ABTB3: variants seen among roughly 807,000 people sequenced by gnomAD.
ABTB3 encodes ankyrin repeat- and BTB/POZ domain-containing protein 3.
the ABTB3 span, among the ~76,000 whole-genome samples, chr12:107,534,172 T>A: frequency 4.6e-5 from 7 of 151,564 alleles, no homozygotes. Flanking sequence ...GAATAGCCAC[T>A]TCGTTCCAGC....
chr12:107,644,932 C>T, the ABTB3 span, among the ~76,000 whole-genome samples: 1 of 150,056 alleles, frequency 6.7e-6, no homozygotes, highest in Non-Finnish European at 1.5e-5. Context: ...TTTATGGCTG[C>T]ATAGTATTCC....
chr12:107,499,676 A>T, the ABTB3 span, among the ~76,000 whole-genome samples: 1 of 145,120 alleles, frequency 6.9e-6, no homozygotes, highest in Non-Finnish European at 1.5e-5. Flanking sequence ...GGACTGCCAG[A>T]CACTTTTTCT....
the ABTB3 span, among the ~76,000 whole-genome samples, chr12:107,528,975 G>A: frequency 1.4e-4 from 21 of 151,448 alleles, no homozygotes; most frequent in South Asian, 8.4e-4. Flanking sequence ...TGACAGAGAT[G>A]ATTTTGGTGA....
chr12:107,445,349 A>G, the ABTB3 span, among the ~76,000 whole-genome samples: 7 of 152,204 alleles, frequency 4.6e-5, no homozygotes, highest in Non-Finnish European at 7.3e-5. Flanking sequence ...CACACCTACC[A>G]TATGCCAGGC....
At chr12:107,560,876 T>C in the ABTB3 span, among the ~76,000 whole-genome samples, 99 of 152,270 alleles carry the variant, frequency 6.5e-4, no homozygotes, top group East Asian at 0.019. Context: ...TTGGTGGCTG[T>C]GTTTGTTTGT....
the ABTB3 span, among the ~76,000 whole-genome samples, chr12:107,496,542 G>T: frequency 6.6e-6 from 1 of 152,188 alleles, no homozygotes; most frequent in Non-Finnish European, 1.5e-5. Context: ...AAAACATTGA[G>T]AGCTTGTCTG....
the ABTB3 span, among the ~76,000 whole-genome samples, chr12:107,428,389 C>T: frequency 2.6e-5 from 4 of 152,126 alleles, no homozygotes; most frequent in South Asian, 2.1e-4. Context: ...TGGATGTCCT[C>T]GGGCCCCTGG....
At chr12:107,468,002 T>G in the ABTB3 span, among the ~76,000 whole-genome samples, 1 of 152,158 alleles carries the variant, frequency 6.6e-6, no homozygotes, top group South Asian at 2.1e-4. Context: ...AGGAGGCACC[T>G]GCAGAGACCC....
the ABTB3 span, among the ~76,000 whole-genome samples, chr12:107,558,041 G>A: frequency 1.3e-5 from 2 of 152,104 alleles, no homozygotes; most frequent in East Asian, 1.9e-4. Flanking sequence ...TATTTGAATC[G>A]GACTTTGAAA....
At chr12:107,508,434 A>ATTTTTTTTTTTTTTTTTTTT in the ABTB3 span, among the ~76,000 whole-genome samples, 39 of 58,732 alleles carry the variant, frequency 6.6e-4, 2 homozygotes, top group Non-Finnish European at 1.1e-3. Flanking sequence ...CTCAAAGATC[A>ATTTTTTTTTTTTTTTTTTTT]TTTCTTTTTT....
the ABTB3 span, among the ~76,000 whole-genome samples, chr12:107,522,865 A>G: frequency 6.6e-6 from 1 of 152,044 alleles, no homozygotes; most frequent in Non-Finnish European, 1.5e-5. Flanking sequence ...GCAAAGAAGG[A>G]AGGGATAATC....
chr12:107,616,618 C>T, the ABTB3 span, among the ~76,000 whole-genome samples: 1 of 152,180 alleles, frequency 6.6e-6, no homozygotes. Context: ...CGGGAGACCC[C>T]CAAAGTCCTT....
chr12:107,517,492 A>G, the ABTB3 span, among the ~76,000 whole-genome samples: 1 of 152,194 alleles, frequency 6.6e-6, no homozygotes, highest in Non-Finnish European at 1.5e-5. Context: ...GATTCTTCCT[A>G]TCCATGAGCT....
the ABTB3 span, among the ~76,000 whole-genome samples, chr12:107,429,453 T>A: frequency 6.6e-6 from 1 of 152,166 alleles, no homozygotes; most frequent in Admixed American, 6.5e-5. Context: ...TGTAGGGAAA[T>A]CGAGTGTGCA....
chr12:107,325,189 C>T, the ABTB3 span, among the ~76,000 whole-genome samples: 1 of 152,216 alleles, frequency 6.6e-6, no homozygotes, highest in African/African-American at 2.4e-5. Context: ...TTAATTAACA[C>T]AAGCCCTCAC....
the ABTB3 span, among the ~76,000 whole-genome samples, chr12:107,495,668 C>T: frequency 4.6e-5 from 7 of 152,168 alleles, no homozygotes; most frequent in South Asian, 1.5e-3. Context: ...TCAGGGAAGC[C>T]CTTCTGTATC....
chr12:107,408,089 G>A, the ABTB3 span, among the ~76,000 whole-genome samples: 69 of 152,164 alleles, frequency 4.5e-4, no homozygotes, highest in African/African-American at 1.6e-3. Flanking sequence ...CTCTTGCCGT[G>A]TATTGTATTC....
the ABTB3 span, among the ~76,000 whole-genome samples, chr12:107,458,188 G>T: frequency 6.6e-6 from 1 of 152,172 alleles, no homozygotes; most frequent in Non-Finnish European, 1.5e-5. Context: ...GAAATAGTGT[G>T]TACTGAGTGC....
chr12:107,504,501 A>G, the ABTB3 span, among the ~76,000 whole-genome samples: 1 of 152,256 alleles, frequency 6.6e-6, no homozygotes, highest in Non-Finnish European at 1.5e-5. Flanking sequence ...TAATAAGTCT[A>G]TAGTCACCAG....
Sources: allele counts gnomAD v4.1 joint callset (sites outside exome capture counted in the v4.1 genomes callset), GRCh38; gene constraint gnomAD v4.1.1; transcripts MANE v1.5; gene names NCBI Gene and HGNC (gene_info 2026-07-23, HGNC 2026-07-21).